Variants in RGP1 observed in about 807,000 individuals in gnomAD.
RGP1 encodes RAB6A-GEF complex partner protein 2.
A neutral mutation model predicts 44.5 loss-of-function variants in RGP1; 28 were observed. The ratio of observed to expected loss-of-function variants is 0.63; its 90% CI spans 0.47 to 0.86. The LOEUF is 0.86. Ranked by LOEUF, RGP1 falls within the 40% of genes least tolerant of loss-of-function variation. RGP1 has a pLI of 0.00. For synonymous variants in RGP1, 212 were observed against 196.7 expected (o/e 1.08, Z -0.65); for missense variants, 417 against 490.7 (o/e 0.85, Z 1.42).
chr9:35,751,831 G>A (rs1827270602), intron 7 of RGP1, 77 bp downstream of exon 7: 1 of 1,600,970 alleles, frequency 6.2e-7, no homozygotes, highest in Non-Finnish European at 8.5e-7. Context: ...GTATAAAGAG[G>A]GGTGGCATGT....
downstream of RGP1, among the ~76,000 whole-genome samples, chr9:35,763,292 C>T (rs918947285): frequency 1.3e-5 from 2 of 152,194 alleles, no homozygotes; most frequent in African/African-American, 4.8e-5. Context: ...TGTTAGCATT[C>T]TTTAGGATCC....
Position 35,753,071 on chromosome 9 carries a change from G to A in RGP1, c.*197G>A, listed in dbSNP as rs1434070939. On this transcript the variant is annotated 3_prime_UTR_variant, in exon 9 of 9. Transcript: ENST00000378078. This position sits in a 1 kb window ranked among gnomAD's most constrained non-coding sequence, Gnocchi z 4.2. ...TCCCTGGAAGTGGCAGCAGCAGTGA[G>A]CAGTCAGCAGATGGATGATCAGTTG... 2.1e-5 allele frequency: 34 copies of A among 1,607,366 alleles called. No homozygotes were observed. Among genetic ancestry groups the A allele is most frequent in the Non-Finnish European group, 2.8e-5 (33 of 1,174,946 alleles).
downstream of RGP1, among the ~76,000 whole-genome samples, chr9:35,760,137 TC>T (rs1447500761): frequency 1.3e-5 from 2 of 152,116 alleles, no homozygotes; most frequent in African/African-American, 4.8e-5. Flanking sequence ...TTAATGAAAT[TC>T]ACCATTTTAA....
the RGP1 span, among the ~76,000 whole-genome samples, chr9:35,774,514 T>C: frequency 6.6e-6 from 1 of 151,974 alleles, no homozygotes; most frequent in African/African-American, 2.4e-5. Flanking sequence ...GATCACGAGG[T>C]CAGGAGATAG....
At chr9:35,778,079 C>A in the RGP1 span, among the ~76,000 whole-genome samples, 1 of 152,156 alleles carries the variant, frequency 6.6e-6, no homozygotes, top group Admixed American at 6.5e-5. Context: ...GTGGGCAGAT[C>A]ACCTGAGGTC....
At chr9:35,789,426 G>A in the RGP1 span, among the ~76,000 whole-genome samples, 5 of 149,958 alleles carry the variant, frequency 3.3e-5, no homozygotes, top group African/African-American at 1.2e-4. Context: ...AGCCTCCCAA[G>A]TAGCTGGGAC....
the RGP1 span, among the ~76,000 whole-genome samples, chr9:35,787,144 AAAG>A: frequency 1.3e-5 from 2 of 151,840 alleles, no homozygotes; most frequent in African/African-American, 2.4e-5. Context: ...AAAAAATAAA[AAAG>A]AAAATATTTT....
chr9:35,751,445 C>T (rs1827263048), intron 6 of RGP1, 33 bp downstream of exon 6: 1 of 1,612,768 alleles, frequency 6.2e-7, no homozygotes, highest in Non-Finnish European at 8.5e-7. Flanking sequence ...CCTACCCCAT[C>T]CTTCCCCTCA....
the RGP1 span, among the ~76,000 whole-genome samples, chr9:35,767,451 G>A: frequency 6.6e-6 from 1 of 151,876 alleles, no homozygotes; most frequent in Non-Finnish European, 1.5e-5. Flanking sequence ...CATTCTTCAA[G>A]CCACTTCAAG....
chr9:35,775,216 C>G, the RGP1 span, among the ~76,000 whole-genome samples: 1 of 152,126 alleles, frequency 6.6e-6, no homozygotes, highest in East Asian at 1.9e-4. Flanking sequence ...AGAACTCACT[C>G]TAAGCATTTA....
At chr9:35,782,773 T>C in the RGP1 span, among the ~76,000 whole-genome samples, 4 of 151,596 alleles carry the variant, frequency 2.6e-5, no homozygotes, top group African/African-American at 9.7e-5. Flanking sequence ...AACTATTTTA[T>C]TGAATAAAGT....
chr9:35,751,793 G>A, intron 7 of RGP1, 39 bp downstream of exon 7: 1 of 1,612,878 alleles, frequency 6.2e-7, no homozygotes, highest in Non-Finnish European at 8.5e-7. Context: ...CTGGGGTGCT[G>A]GGGTTGAAGG....
At position 35,756,309 on chromosome 9, in the gene RGP1, AG is replaced by A. The variant is rs1827358041; in HGVS notation, c.*3440del. ...ACAGCTACTTCTGGCTGACTTTTCA[AG>A]GGGGACCACCCTACCTGTCATCTCT... On this transcript the variant is annotated 3_prime_UTR_variant, in exon 9 of 9. Coordinates refer to ENST00000378078, the MANE Select transcript of RGP1 (RefSeq NM_001080496.3). The A allele has an allele frequency of 6.6e-6, 1 of 152,278 alleles. No homozygotes were observed. Among genetic ancestry groups the A allele is most frequent in the Admixed American group, 6.5e-5 (1 of 15,284 alleles). The allele number at this position is 152,278 out of a possible 1,614,324, so 9.4% of individuals were successfully genotyped here.
At position 35,753,437 on chromosome 9, in the gene RGP1, T is replaced by G; in HGVS notation, c.*563T>G. ...GCTGTCACCTACCATATGTGGGCCT[T>G]TTTGTTTTATAACAGGAGTATTTTC... is the stretch of plus-strand genomic sequence containing the variant. On this transcript the variant is annotated 3_prime_UTR_variant, in exon 9 of 9. Coordinates refer to ENST00000378078, the MANE Select transcript of RGP1 (RefSeq NM_001080496.3). This position sits in a 1 kb window ranked among gnomAD's most constrained non-coding sequence, Gnocchi z 4.2. 1 of 853,500 alleles carries G rather than the reference T, an allele frequency of 1.2e-6. No individual in the cohort carries two copies. The highest frequency in any genetic ancestry group is 1.8e-6 in the Non-Finnish European group (1 of 562,230). 52.9% of individuals were successfully genotyped at this position (853,500 alleles called of 1,614,324 possible).
At chr9:35,789,892 G>A in the RGP1 span, among the ~76,000 whole-genome samples, 1 of 152,284 alleles carries the variant, frequency 6.6e-6, no homozygotes, top group South Asian at 2.1e-4. Flanking sequence ...AGCAAGTAAG[G>A]ACACTGCGAC....
chr9:35,770,446 G>A, the RGP1 span, among the ~76,000 whole-genome samples: 1 of 146,578 alleles, frequency 6.8e-6, no homozygotes. Flanking sequence ...TTCATTCTTG[G>A]CACATAGAAA....
At chr9:35,786,808 A>C in the RGP1 span, 4 of 152,086 alleles carry the variant, frequency 2.6e-5, no homozygotes, top group African/African-American at 9.7e-5. Context: ...ATTTGAAAAC[A>C]TTTTGGGCTG....
At chr9:35,775,376 A>G in the RGP1 span, among the ~76,000 whole-genome samples, 4 of 152,154 alleles carry the variant, frequency 2.6e-5, no homozygotes, top group African/African-American at 9.7e-5. Context: ...GGGGAAGTGC[A>G]AGGGGCAGGG....
Position 35,753,241 on chromosome 9 carries a change from T to A in RGP1, c.*367T>A. On this transcript the variant is annotated 3_prime_UTR_variant, in exon 9 of 9. Transcript: ENST00000378078. This position sits in a 1 kb window ranked among gnomAD's most constrained non-coding sequence, Gnocchi z 4.2. The stretch of plus-strand genomic sequence containing the variant: ...ACTGGCAGGTTCCTGCCTCCTGACG[T>A]ACCTCACACCCAGCCGGGAAGTCGA... The A allele has an allele frequency of 6.2e-7, 1 of 1,614,158 alleles. No homozygotes were observed. Among genetic ancestry groups the A allele is most frequent in the Non-Finnish European group, 8.5e-7 (1 of 1,180,018 alleles).
Sources: gnomAD v4.1 joint callset for allele counts (sites outside exome capture counted in the v4.1 genomes callset) on GRCh38, gnomAD v4.1.1 for gene constraint, Gnocchi (gnomAD v3.1) non-coding constraint, MANE v1.5 for transcripts, NCBI Gene and HGNC (gene_info 2026-07-23, HGNC 2026-07-21) for gene names.